ACTG2: variants seen among roughly 807,000 people sequenced by gnomAD.
ACTG2 encodes the protein actin gamma 2, smooth muscle.
ACTG2 carries 16 observed loss-of-function variants against 37.6 expected under a neutral mutation model. That is an observed-to-expected ratio of 0.43 (90% CI 0.29 to 0.65). ACTG2 has a LOEUF of 0.65. Among genes scored for constraint, ACTG2 ranks in the 30% least tolerant of loss-of-function variants. The pLI is 0.18. For missense variants in ACTG2, 238 were observed against 490.9 expected (o/e 0.48, Z 4.87); for synonymous variants, 181 against 179.9 (o/e 1.01, Z -0.05).
chr2:73,918,520 C>T (rs562306582), intron 8 of ACTG2, among the ~76,000 whole-genome samples: 62 of 151,970 alleles, frequency 4.1e-4, no homozygotes, highest in African/African-American at 1.4e-3. Context: ...TCTACGGCAA[C>T]AAAAAAAATC....
At chr2:73,894,283 A>G (rs1679694756) in intron 1 of ACTG2, among the ~76,000 whole-genome samples, 1 of 152,146 alleles carries the variant, frequency 6.6e-6, no homozygotes, top group South Asian at 2.1e-4. Flanking sequence ...GGAGGCTCTA[A>G]GTGCTCACTT....
chr2:73,895,077 G>A (rs977073166), intron 1 of ACTG2, among the ~76,000 whole-genome samples: 2 of 152,102 alleles, frequency 1.3e-5, no homozygotes, highest in Non-Finnish European at 1.5e-5. Flanking sequence ...GGAAGAGGGC[G>A]GCACCAGGGC....
At chr2:73,910,731 AG>A (rs1316092195) in intron 5 of ACTG2, among the ~76,000 whole-genome samples, 1 of 151,762 alleles carries the variant, frequency 6.6e-6, no homozygotes, top group Non-Finnish European at 1.5e-5. Context: ...AGAAATTTCC[AG>A]GGCTGACCAT....
chr2:73,895,037 A>G (rs1165708276), intron 1 of ACTG2, among the ~76,000 whole-genome samples: 1 of 152,068 alleles, frequency 6.6e-6, no homozygotes, highest in Non-Finnish European at 1.5e-5. Context: ...GTGCAGGTAG[A>G]AGTAAGAAGG....
intron 1 of ACTG2, among the ~76,000 whole-genome samples, chr2:73,898,237 C>A (rs1176087103): frequency 6.8e-6 from 1 of 146,864 alleles, no homozygotes; most frequent in Non-Finnish European, 1.5e-5. Flanking sequence ...GAAGTGTCCT[C>A]GGTGGGTGCC....
intron 1 of ACTG2, among the ~76,000 whole-genome samples, chr2:73,896,198 G>A (rs1473697777): frequency 6.6e-6 from 1 of 151,984 alleles, no homozygotes; most frequent in African/African-American, 2.4e-5. Flanking sequence ...GAAATTAGCA[G>A]AATGTAGTGG....
chr2:73,904,777 G>GTGTATGTATATATA (rs1427483105), intron 3 of ACTG2, among the ~76,000 whole-genome samples: 1 of 42,608 alleles, frequency 2.3e-5, no homozygotes, highest in African/African-American at 7.8e-5. Flanking sequence ...GTGTGTGTGT[G>GTGTATGTATATATA]TATATATATA....
At chr2:73,908,383 C>T in intron 3 of ACTG2, 1 of 528,370 alleles carries the variant, frequency 1.9e-6, no homozygotes, top group Non-Finnish European at 3.8e-6. Context: ...TCACTCAGTG[C>T]ACAAAGGCAG....
rs181225938 is a variant in ACTG2 at position 73,908,951 on chromosome 2, A to G, written c.367-104A>G. 1.9e-4 allele frequency: 250 copies of G among 1,305,652 alleles called. No individual in the cohort carries two copies. In the East Asian group the frequency reaches 5.0e-3, roughly 26 times the overall value. 80.9% of individuals were successfully genotyped at this position (1,305,652 alleles called of 1,614,324 possible). On this transcript the variant is annotated intron_variant, in intron 4 of 8. Transcript: ENST00000345517. ...GTGGGTGTGGAATAATGAACTATCAAACTGGCATAGTTCCTGCCCTTAATG... is the reference window on the plus strand; with the variant it reads ...GTGGGTGTGGAATAATGAACTATCAGACTGGCATAGTTCCTGCCCTTAATG...
At chr2:73,912,849 A>G (rs1417406237) in intron 5 of ACTG2, among the ~76,000 whole-genome samples, 3 of 152,182 alleles carry the variant, frequency 2.0e-5, no homozygotes, top group African/African-American at 7.2e-5. Flanking sequence ...ATGTTTTCTC[A>G]TCCGTTATGA....
intron 5 of ACTG2, among the ~76,000 whole-genome samples, chr2:73,909,572 G>T (rs563103626): frequency 6.6e-6 from 1 of 152,148 alleles, no homozygotes; most frequent in African/African-American, 2.4e-5. Context: ...AAACCTAGAC[G>T]CTGTAGCCTA....
intron 2 of ACTG2, 98 bp downstream of exon 2, chr2:73,901,535 T>C (rs1679876861): frequency 2.4e-6 from 1 of 425,022 alleles, no homozygotes. Context: ...GAAGGAAATG[T>C]GTGTGTGTGT....
chr2:73,902,939 T>G, intron 3 of ACTG2: 2 of 668,696 alleles, frequency 3.0e-6, no homozygotes. Context: ...TTTAAAATGC[T>G]GGTGCTGGCT....
At chr2:73,897,826 C>A (rs1258098510) in intron 1 of ACTG2, among the ~76,000 whole-genome samples, 2 of 152,188 alleles carry the variant, frequency 1.3e-5, no homozygotes, top group Non-Finnish European at 2.9e-5. Flanking sequence ...TGCACCGTTA[C>A]ATGGCAGAAG....
At chr2:73,918,818 C>T (rs1402241600) in intron 8 of ACTG2, among the ~76,000 whole-genome samples, 1 of 152,240 alleles carries the variant, frequency 6.6e-6, no homozygotes, top group Non-Finnish European at 1.5e-5. Flanking sequence ...CCAGCCCAAC[C>T]TGCCCATGCT....
intron 1 of ACTG2, among the ~76,000 whole-genome samples, chr2:73,896,340 A>G (rs1246852890): frequency 1.0e-5 from 1 of 95,858 alleles, no homozygotes; most frequent in Non-Finnish European, 2.1e-5. Flanking sequence ...AGTGAGGCCC[A>G]GTATCTCAAA....
intron 1 of ACTG2, among the ~76,000 whole-genome samples, chr2:73,894,025 A>G (rs1297335956): frequency 1.3e-5 from 2 of 152,140 alleles, no homozygotes; most frequent in Non-Finnish European, 2.9e-5. Flanking sequence ...AATAATATCT[A>G]CTTGGCGATG....
At chr2:73,898,962 C>T (rs1345018773) in intron 1 of ACTG2, among the ~76,000 whole-genome samples, 1 of 151,790 alleles carries the variant, frequency 6.6e-6, no homozygotes, top group Non-Finnish European at 1.5e-5. Context: ...GCCACCATGC[C>T]TGGGTAATTT....
intron 1 of ACTG2, chr2:73,897,102 G>A (rs888964147): frequency 1.3e-5 from 2 of 152,330 alleles, no homozygotes; most frequent in African/African-American, 4.8e-5. Context: ...CTTCGGTTGA[G>A]TTTTGCCTTC....
Sources: gnomAD v4.1 joint callset for allele counts (sites outside exome capture counted in the v4.1 genomes callset) on GRCh38, gnomAD v4.1.1 for gene constraint, MANE v1.5 for transcripts, NCBI Gene and HGNC (gene_info 2026-07-23, HGNC 2026-07-21) for gene names.